C12orf56: variants seen among roughly 807,000 people sequenced by gnomAD.
The protein encoded by C12orf56 is chromosome 12 open reading frame 56, also known as uncharacterized protein C12orf56.
Under a neutral mutation model 69.9 loss-of-function variants are expected in C12orf56, and 71 were observed. That is an observed-to-expected ratio of 1.02 (90% CI 0.84 to 1.24). The LOEUF (loss-of-function observed/expected upper bound fraction) is 1.24, where lower values mean the gene tolerates loss of function less well. Among genes scored for constraint, C12orf56 ranks in the 50% most tolerant of loss-of-function variants. C12orf56 has a pLI of 0.00. For missense variants in C12orf56, 732 were observed against 738.5 expected, an observed-to-expected ratio of 0.99 and a Z score of 0.10; for synonymous variants, 276 against 274.1, an observed-to-expected ratio of 1.01 and a Z score of -0.07.
At chr12:64,315,931 CAAAA>C (rs1447522554) in intron 4 of C12orf56, among the ~76,000 whole-genome samples, 2 of 61,248 alleles carry the variant, frequency 3.3e-5, no homozygotes, top group Admixed American at 1.9e-4. Context: ...AACTCCACCT[CAAAA>C]AAAAAAAAAA....
At chr12:64,389,076 T>C (rs1465289960) in intron 1 of C12orf56, 2 of 152,072 alleles carry the variant, frequency 1.3e-5, no homozygotes, top group East Asian at 3.9e-4. Flanking sequence ...AACAGCTCCA[T>C]CAAGCGTCTC....
chr12:64,304,662 C>T (rs1348716645), intron 5 of C12orf56, among the ~76,000 whole-genome samples: 1 of 152,092 alleles, frequency 6.6e-6, no homozygotes, highest in Admixed American at 6.5e-5. Flanking sequence ...ATATTGTTTC[C>T]CCCTCCCACT....
chr12:64,385,756 T>C (rs6581557), intron 1 of C12orf56, among the ~76,000 whole-genome samples: 136,199 of 152,098 alleles, frequency 0.9, 61,246 homozygotes, highest in Middle Eastern at 0.95. Context: ...CTCTGATCCC[T>C]GAATGCTCGG....
chr12:64,362,530 A>G (rs1043657250), intron 1 of C12orf56, among the ~76,000 whole-genome samples: 1 of 152,084 alleles, frequency 6.6e-6, no homozygotes, highest in Admixed American at 6.6e-5. Context: ...CATCTCTACT[A>G]AAAACACAAA....
At chr12:64,337,773 CT>C (rs2136877868) in intron 2 of C12orf56, among the ~76,000 whole-genome samples, 1 of 149,174 alleles carries the variant, frequency 6.7e-6, no homozygotes, top group Admixed American at 6.9e-5. Context: ...ACAAGAATCA[CT>C]TGAACCTGAG....
intron 1 of C12orf56, among the ~76,000 whole-genome samples, chr12:64,374,777 CA>C (rs1444281426): frequency 3.3e-5 from 5 of 152,124 alleles, no homozygotes; most frequent in Non-Finnish European, 4.4e-5. Flanking sequence ...CTCCTGACCT[CA>C]GGTGATCTGC....
chr12:64,372,176 A>T (rs1262960897), intron 1 of C12orf56, among the ~76,000 whole-genome samples: 1 of 152,154 alleles, frequency 6.6e-6, no homozygotes, highest in Non-Finnish European at 1.5e-5. Context: ...GATAGATATT[A>T]TATGTTATAG....
chr12:64,299,670 T>A (rs1389607650), intron 6 of C12orf56, among the ~76,000 whole-genome samples: 4 of 151,982 alleles, frequency 2.6e-5, no homozygotes, highest in Non-Finnish European at 5.9e-5. Context: ...CATATTAAGA[T>A]AAATAAGAAA....
At chr12:64,354,620 G>C (rs1166528155) in intron 1 of C12orf56, among the ~76,000 whole-genome samples, 1 of 151,700 alleles carries the variant, frequency 6.6e-6, no homozygotes, top group East Asian at 2.0e-4. Context: ...ACCACGCCTG[G>C]CTAATTTTTT....
chr12:64,369,989 A>AG (rs2039548997), intron 1 of C12orf56, among the ~76,000 whole-genome samples: 1 of 151,014 alleles, frequency 6.6e-6, no homozygotes, highest in East Asian at 2.0e-4. Context: ...TCTCAAAAAA[A>AG]AAAAAAAAAA....
chr12:64,343,175 G>T (rs1188287562), intron 2 of C12orf56, among the ~76,000 whole-genome samples: 1 of 152,112 alleles, frequency 6.6e-6, no homozygotes, highest in Non-Finnish European at 1.5e-5. Context: ...GGAATATCTC[G>T]ACAGGCCCCA....
intron 5 of C12orf56, among the ~76,000 whole-genome samples, chr12:64,311,285 A>T (rs2038610727): frequency 6.6e-6 from 1 of 151,918 alleles, no homozygotes; most frequent in Non-Finnish European, 1.5e-5. Flanking sequence ...AAATAAAAAA[A>T]TTAGCCGGGC....
chr12:64,368,274 G>T (rs145351208), intron 1 of C12orf56, among the ~76,000 whole-genome samples: 105 of 152,218 alleles, frequency 6.9e-4, no homozygotes, highest in African/African-American at 2.3e-3. Flanking sequence ...AGCCTAAGGA[G>T]AGAGACTGTA....
chr12:64,302,907 A>G (rs1406079276), intron 6 of C12orf56, among the ~76,000 whole-genome samples: 1 of 152,212 alleles, frequency 6.6e-6, no homozygotes, highest in African/African-American at 2.4e-5. Flanking sequence ...AAGCCAAGGC[A>G]GGAGGATCAC....
intron 1 of C12orf56, among the ~76,000 whole-genome samples, chr12:64,382,396 A>G (rs575142625): frequency 1.3e-5 from 2 of 152,330 alleles, no homozygotes; most frequent in African/African-American, 4.8e-5. Context: ...TAATTTGAAA[A>G]AGGGACGATA....
chr12:64,359,642 A>C (rs1169694528), intron 1 of C12orf56, among the ~76,000 whole-genome samples: 1 of 152,162 alleles, frequency 6.6e-6, no homozygotes, highest in East Asian at 1.9e-4. Flanking sequence ...CACTGTGAGC[A>C]CTGAACAGGG....
At chr12:64,285,893 C>A (rs1202670246) in intron 7 of C12orf56, 61 bp downstream of exon 7, 18 of 1,075,492 alleles carry the variant, frequency 1.7e-5, no homozygotes, top group Admixed American at 1.2e-4. Flanking sequence ...CAGTGTCTTC[C>A]ATTTATCTTT....
chr12:64,303,250 G>A (rs1371112852), intron 6 of C12orf56, among the ~76,000 whole-genome samples: 1 of 151,216 alleles, frequency 6.6e-6, no homozygotes, highest in Non-Finnish European at 1.5e-5. Flanking sequence ...CTCCAGCTTG[G>A]GCGACAAGAG....
chr12:64,390,650 C>T lies in C12orf56; in HGVS notation c.-85G>A. On this transcript the variant is annotated 5_prime_UTR_variant, in exon 1 of 13. Coordinates refer to ENST00000543942, the MANE Select transcript of C12orf56 (RefSeq NM_001170633.2). Reference sequence around the variant, plus strand: ...CCGCCCCCGCGCTGGAACCCGCGCGCCACAAAGCCGCCGGCCACGCGTCGC... The same window carrying T: ...CCGCCCCCGCGCTGGAACCCGCGCGTCACAAAGCCGCCGGCCACGCGTCGC... 1 of 1,371,964 alleles carries T rather than the reference C, an allele frequency of 7.3e-7. No homozygotes were observed. Among genetic ancestry groups the T allele is most frequent in the South Asian group, 1.7e-5 (1 of 59,126 alleles). 85.0% of individuals were successfully genotyped at this position (1,371,964 alleles called of 1,614,324 possible).
Sources: gnomAD v4.1 joint callset for allele counts (sites outside exome capture counted in the v4.1 genomes callset) on GRCh38, gnomAD v4.1.1 for gene constraint, MANE v1.5 for transcripts, NCBI Gene and HGNC (gene_info 2026-07-23, HGNC 2026-07-21) for gene names.